The following RTN4 variants were observed in gnomAD, a reference collection of about 807,000 sequenced individuals.
RTN4 encodes the protein reticulon 4.
Under a neutral mutation model 90.4 loss-of-function variants are expected in RTN4, and 32 were observed. The observed-to-expected ratio is 0.35, with a 90% CI of 0.27 to 0.48. The LOEUF (loss-of-function observed/expected upper bound fraction) is 0.48, where lower values mean the gene tolerates loss of function less well. Among genes scored for constraint, RTN4 ranks in the 20% least tolerant of loss-of-function variants. The pLI, the probability that RTN4 is intolerant of heterozygous loss-of-function variation, is 0.99. For missense variants in RTN4, 1,706 were observed against 1,430.2 expected, an observed-to-expected ratio of 1.19 and a Z score of -3.11; for synonymous variants, 629 against 552.5, an observed-to-expected ratio of 1.14 and a Z score of -1.94.
At chr2:55,024,528 GA>G (rs975958644) in intron 3 of RTN4, among the ~76,000 whole-genome samples, 2 of 151,524 alleles carry the variant, frequency 1.3e-5, no homozygotes, top group Non-Finnish European at 2.9e-5. Flanking sequence ...ATAGTCAAAA[GA>G]AAAAAAGGAG....
chr2:55,078,193 A>G (rs541394909), intron 2 of RTN4, among the ~76,000 whole-genome samples: 17 of 152,318 alleles, frequency 1.1e-4, no homozygotes, highest in Middle Eastern at 3.4e-3. Context: ...AAAAAAATTT[A>G]AAAGAAAGAA....
chr2:55,003,020 C>A (rs1346744902), intron 3 of RTN4, among the ~76,000 whole-genome samples: 1 of 152,100 alleles, frequency 6.6e-6, no homozygotes, highest in Non-Finnish European at 1.5e-5. Context: ...TCTTAGAAAC[C>A]TGAGGTTACT....
chr2:55,130,872 AT>A, the RTN4 span, among the ~76,000 whole-genome samples: 1 of 152,156 alleles, frequency 6.6e-6, no homozygotes, highest in Non-Finnish European at 1.5e-5. Context: ...ACTCAAGAAG[AT>A]GATCCAGACA....
At chr2:54,994,550 A>T (rs1311107158) in intron 3 of RTN4, among the ~76,000 whole-genome samples, 3 of 152,200 alleles carry the variant, frequency 2.0e-5, no homozygotes, top group African/African-American at 7.2e-5. Flanking sequence ...AAAACATTTA[A>T]CATACTAGGA....
the RTN4 span, among the ~76,000 whole-genome samples, chr2:55,130,149 T>C: frequency 2.0e-5 from 3 of 152,208 alleles, no homozygotes; most frequent in African/African-American, 7.2e-5. Flanking sequence ...GGAACAGTCA[T>C]ATTAAGGAAT....
At chr2:55,114,917 G>A (rs754878143), upstream of RTN4, among the ~76,000 whole-genome samples, 11 of 152,112 alleles carry the variant, frequency 7.2e-5, no homozygotes, top group Non-Finnish European at 1.5e-4. Flanking sequence ...GATGCCTTAC[G>A]AGATAGAGGT....
upstream of RTN4, among the ~76,000 whole-genome samples, chr2:55,114,386 G>A (rs919343307): frequency 3.3e-5 from 5 of 152,166 alleles, no homozygotes; most frequent in Non-Finnish European, 5.9e-5. Context: ...CCAAAGTCCA[G>A]GTCATGTTTG....
chr2:55,081,375 C>T lies in RTN4; in HGVS notation c.-213-736G>A, dbSNP rs576235453. Among the ~76,000 whole-genome samples the T allele has an allele frequency of 3.9e-5, 6 of 152,202 alleles. No homozygotes were observed. In the South Asian group the frequency reaches 6.2e-4, roughly 16 times the overall value. Reference sequence around the variant, plus strand: ...TACAGGTATGAGCCACCACAACCAGCCTTCACTCTCTTTTAAGCTACTACA... The same window carrying T: ...TACAGGTATGAGCCACCACAACCAGTCTTCACTCTCTTTTAAGCTACTACA... On this transcript the variant is annotated intron_variant, in intron 1 of 3. Transcript: ENST00000427710.
intron 2 of RTN4, among the ~76,000 whole-genome samples, chr2:55,060,044 G>A (rs1048135489): frequency 1.3e-5 from 2 of 152,156 alleles, no homozygotes; most frequent in Admixed American, 1.3e-4. Flanking sequence ...CTGGCTAATG[G>A]ATTGAAACTG....
intron 1 of RTN4, among the ~76,000 whole-genome samples, chr2:55,030,449 A>G (rs938285483): frequency 1.3e-5 from 2 of 152,204 alleles, no homozygotes; most frequent in African/African-American, 4.8e-5. Flanking sequence ...TGGGACTTCA[A>G]GAATACAGTT....
intron 1 of RTN4, among the ~76,000 whole-genome samples, chr2:55,042,652 CATAA>C (rs1372035467): frequency 3.3e-5 from 5 of 152,104 alleles, no homozygotes; most frequent in African/African-American, 4.8e-5. Flanking sequence ...ACCTTGTATA[CATAA>C]ATAAATAAAT....
At chr2:55,010,728 T>C (rs1260930706) in intron 3 of RTN4, among the ~76,000 whole-genome samples, 3 of 152,202 alleles carry the variant, frequency 2.0e-5, no homozygotes, top group Non-Finnish European at 4.4e-5. Flanking sequence ...TTGCACCTTA[T>C]GAAGAGATAA....
At chr2:54,985,288 T>C (rs552952098) in intron 4 of RTN4, among the ~76,000 whole-genome samples, 102 of 149,092 alleles carry the variant, frequency 6.8e-4, no homozygotes, top group African/African-American at 2.2e-3. Flanking sequence ...GCTGCCTGAA[T>C]AGCTGGGACT....
At chr2:54,979,990 T>C (rs1377299766) in intron 5 of RTN4, among the ~76,000 whole-genome samples, 1 of 152,162 alleles carries the variant, frequency 6.6e-6, no homozygotes, top group African/African-American at 2.4e-5. Flanking sequence ...ATAATTTTAA[T>C]GAAAGTCCTT....
Position 55,026,172 on chromosome 2 carries a change from A to T in RTN4, c.1927T>A (p.Ser643Thr). The change falls in exon 3 of 9, where the codon TCA becomes ACA. Residue 643 changes from serine to threonine, a missense_variant. Ser to Thr is a moderately conservative substitution (Grantham distance 58, BLOSUM62 1). Coordinates refer to ENST00000337526, the MANE Select transcript of RTN4 (RefSeq NM_020532.5). ...QPSSSPLEAS[S>T]VNYESIKHEP... is the part of the protein sequence containing the mutation. ...TGTTTTATGCTTTCATAATTAACTG[A>T]AGAAGCTTCTAATGGTGATGAGCTG... The T allele has an allele frequency of 6.2e-7, 1 of 1,613,514 alleles. No homozygotes were observed. The highest frequency in any genetic ancestry group is 8.5e-7 in the Non-Finnish European group (1 of 1,179,810).
chr2:55,019,874 C>T (rs1323012236), intron 3 of RTN4, among the ~76,000 whole-genome samples: 1 of 151,798 alleles, frequency 6.6e-6, no homozygotes, highest in Non-Finnish European at 1.5e-5. Flanking sequence ...GATATAAAAT[C>T]AATAACAAAA....
Position 55,025,432 on chromosome 2 carries a change from A to ATATT in RTN4, c.2663_2666dup (p.Tyr889Ter). The ATATT allele has an allele frequency of 6.2e-7, 1 of 1,613,890 alleles. No homozygotes were observed. The highest frequency in any genetic ancestry group is 8.5e-7 in the Non-Finnish European group (1 of 1,179,878). On this transcript the variant is annotated stop_gained and frameshift_variant, in exon 3 of 9. Transcript: ENST00000337526. LOFTEE classifies it high-confidence loss of function. ...TTTTGTGGGATACTTCTAGGTCAGT[A>ATATT]TATTCCCTGGCTAATTTAGAAAATG...
At chr2:55,130,873 T>C in the RTN4 span, among the ~76,000 whole-genome samples, 1 of 152,032 alleles carries the variant, frequency 6.6e-6, no homozygotes, top group Admixed American at 6.6e-5. Flanking sequence ...CTCAAGAAGA[T>C]GATCCAGACA....
At chr2:55,051,679 T>G (rs928787693), upstream of RTN4, among the ~76,000 whole-genome samples, 3 of 152,230 alleles carry the variant, frequency 2.0e-5, no homozygotes, top group Non-Finnish European at 2.9e-5. Context: ...TGGCTACTGA[T>G]TGAACACTCG....
Sources: gnomAD v4.1 joint callset for allele counts (sites outside exome capture counted in the v4.1 genomes callset) on GRCh38, gnomAD v4.1.1 for gene constraint, MANE v1.5 for transcripts, NCBI Gene and HGNC (gene_info 2026-07-23, HGNC 2026-07-21) for gene names.